The following TENM4 variants were observed in gnomAD, a reference collection of about 807,000 sequenced individuals.
TENM4 encodes teneurin-4.
In TENM4, 82 loss-of-function variants were observed where a neutral mutation model predicts 243.3. The ratio of observed to expected loss-of-function variants is 0.34; its 90% CI spans 0.28 to 0.40. The LOEUF is 0.40. Among genes scored for constraint, TENM4 ranks in the 10% least tolerant of loss-of-function variants. The probability of loss-of-function intolerance (pLI) is 1.00; values close to 1 mark genes in which losing one functional copy is unlikely to be tolerated. For synonymous variants in TENM4, 1,412 were observed against 1,456.3 expected, an observed-to-expected ratio of 0.97 and a Z score of 0.69; for missense variants, 3,138 against 3,673.3, an observed-to-expected ratio of 0.85 and a Z score of 3.77.
chr11:78,720,343 C>G (rs373473989), intron 25 of TENM4, 27 bp downstream of exon 25: 29 of 1,613,542 alleles, frequency 1.8e-5, no homozygotes, highest in Non-Finnish European at 2.5e-5. Flanking sequence ...AGGGGTGAGG[C>G]AGGAAATTCT....
rs566713252 is a variant in TENM4, at chr11:79,352,874, G to T, written c.-320-55331C>A. Among the ~76,000 whole-genome samples, 11 of 152,210 alleles carry T rather than the reference G, an allele frequency of 7.2e-5. No individual in the cohort carries two copies. In the South Asian group the frequency reaches 2.1e-3, roughly 29 times the overall value. On this transcript the variant is annotated intron_variant, in intron 1 of 33. Coordinates refer to ENST00000278550, the MANE Select transcript of TENM4 (RefSeq NM_001098816.3). ...GCACCAGGCCCAAGTTCTTTCTTAAGAAGTAGAAAATAAAAAGGCAGTGTG... is the reference window on the plus strand; with the variant it reads ...GCACCAGGCCCAAGTTCTTTCTTAATAAGTAGAAAATAAAAAGGCAGTGTG...
intron 4 of TENM4, among the ~76,000 whole-genome samples, chr11:79,082,456 G>C (rs1207486400): frequency 6.6e-6 from 1 of 152,212 alleles, no homozygotes; most frequent in African/African-American, 2.4e-5. Context: ...GCCAGAAGCT[G>C]TCAGCTCCAT....
At chr11:78,690,398 T>C (rs1858791722) in intron 28 of TENM4, among the ~76,000 whole-genome samples, 1 of 152,224 alleles carries the variant, frequency 6.6e-6, no homozygotes, top group South Asian at 2.1e-4. Flanking sequence ...ATATTGACAG[T>C]GGTTATCTCT....
chr11:78,851,681 C>G (rs375097371), intron 12 of TENM4, among the ~76,000 whole-genome samples: 2 of 152,126 alleles, frequency 1.3e-5, no homozygotes, highest in African/African-American at 4.8e-5. Context: ...ATGATCATGT[C>G]CCTAAACTGT....
intron 1 of TENM4, among the ~76,000 whole-genome samples, chr11:79,436,441 G>A (rs1181321516): frequency 1.3e-5 from 2 of 152,140 alleles, no homozygotes; most frequent in African/African-American, 4.8e-5. Flanking sequence ...TTTGCCTAAG[G>A]CCACAGAGCC....
At chr11:78,835,892 G>T (rs1858098178) in intron 12 of TENM4, among the ~76,000 whole-genome samples, 1 of 152,246 alleles carries the variant, frequency 6.6e-6, no homozygotes, top group Admixed American at 6.5e-5. Flanking sequence ...CTGTCTGCTT[G>T]TTCACAACAG....
chr11:78,908,979 G>A (rs556581717), intron 6 of TENM4, among the ~76,000 whole-genome samples: 8 of 152,292 alleles, frequency 5.3e-5, no homozygotes, highest in South Asian at 2.1e-4. Context: ...AGCAGAGCTC[G>A]GGGATCTCAC....
At chr11:79,394,190 G>A (rs996281998) in intron 1 of TENM4, among the ~76,000 whole-genome samples, 5 of 152,116 alleles carry the variant, frequency 3.3e-5, no homozygotes, top group African/African-American at 1.2e-4. Flanking sequence ...ACCCTTGAAG[G>A]TTCTCTCCAG....
At chr11:79,302,533 C>T (rs116052177) in intron 1 of TENM4, among the ~76,000 whole-genome samples, 3,724 of 152,296 alleles carry the variant, frequency 0.024, 130 homozygotes, top group African/African-American at 0.084. Flanking sequence ...TCTCTCCCAA[C>T]ATTTTAAAAC....
chr11:78,683,960 C>G lies in TENM4; in HGVS notation c.5260+4094G>C, dbSNP rs148153163. Among the ~76,000 whole-genome samples the G allele has an allele frequency of 4.2e-3, 636 of 152,288 alleles. 7 individuals carry two copies. Among genetic ancestry groups the G allele is most frequent in the African/African-American group, 0.014 (601 of 41,554 alleles). On this transcript the variant is annotated intron_variant, in intron 29 of 33. Transcript: ENST00000278550. Reference sequence around the variant, plus strand: ...TTGGCTGTTTCCTCTGCACTGCCCCCGTCTTCAGTAAGTGCTGGCTTAAGA... The same window carrying G: ...TTGGCTGTTTCCTCTGCACTGCCCCGGTCTTCAGTAAGTGCTGGCTTAAGA...
At chr11:79,394,260 C>T (rs1354398517) in intron 1 of TENM4, among the ~76,000 whole-genome samples, 1 of 152,196 alleles carries the variant, frequency 6.6e-6, no homozygotes, top group Non-Finnish European at 1.5e-5. Flanking sequence ...GCACCTGGTT[C>T]TCCTCAAGCA....
At position 79,048,426 on chromosome 11, in the gene TENM4, C is replaced by T. The variant is rs184691533; in HGVS notation, c.493+16312G>A. ...GAAGATACCCCGGCAGAAGATTGCC[C>T]ATTCCCTGACAGTAGGCAGTCTAGA... On this transcript the variant is annotated intron_variant, in intron 6 of 33. Transcript: ENST00000278550. 1.6e-3 allele frequency among the ~76,000 whole-genome samples: 240 copies of T among 152,214 alleles called. 1 individual carries two copies. The highest frequency in any genetic ancestry group is 5.4e-3 in the African/African-American group (224 of 41,522).
intron 6 of TENM4, among the ~76,000 whole-genome samples, chr11:79,038,488 G>A (rs1453351762): frequency 6.6e-6 from 1 of 152,052 alleles, no homozygotes; most frequent in East Asian, 1.9e-4. Flanking sequence ...GCCTTCCTTG[G>A]CCACATCTTG....
intron 4 of TENM4, among the ~76,000 whole-genome samples, chr11:79,139,784 A>ATT (rs1389820879): frequency 9.4e-5 from 5 of 53,362 alleles, no homozygotes; most frequent in Admixed American, 5.6e-4. Flanking sequence ...TATAATATAT[A>ATT]TTATATTTAT....
At chr11:79,340,979 G>A (rs112539666) in intron 1 of TENM4, among the ~76,000 whole-genome samples, 1 of 152,136 alleles carries the variant, frequency 6.6e-6, no homozygotes, top group African/African-American at 2.4e-5. Flanking sequence ...TAATTACAAG[G>A]GTTCTTATAA....
rs540782074 is a variant in TENM4, at chr11:79,361,632, A to G, written c.-320-64089T>C. Among the ~76,000 whole-genome samples the G allele has an allele frequency of 7.9e-4, 120 of 152,270 alleles. 3 individuals carry two copies. The South Asian group carries it at 0.024, about 31-fold the overall frequency. ...GTCACCCCTTTTGAGAGTGCTGTCT[A>G]TTTCCTGCAGAGACCCTGAATGGCA... is the stretch of plus-strand genomic sequence containing the variant. On this transcript the variant is annotated intron_variant, in intron 1 of 33. Coordinates refer to ENST00000278550, the MANE Select transcript of TENM4 (RefSeq NM_001098816.3).
chr11:78,906,318 C>A (rs554596160), intron 6 of TENM4, among the ~76,000 whole-genome samples: 2 of 152,284 alleles, frequency 1.3e-5, no homozygotes, highest in South Asian at 2.1e-4. Context: ...TTCAGTCTAC[C>A]AAACCATGGT....
At chr11:78,999,990 G>A (rs540888648) in intron 6 of TENM4, among the ~76,000 whole-genome samples, 142 of 152,290 alleles carry the variant, frequency 9.3e-4, no homozygotes, top group African/African-American at 3.2e-3. Flanking sequence ...GAAAGCCAAA[G>A]ACACAGAGAA....
At chr11:79,129,975 G>T (rs1861967951) in intron 4 of TENM4, among the ~76,000 whole-genome samples, 1 of 152,098 alleles carries the variant, frequency 6.6e-6, no homozygotes, top group Non-Finnish European at 1.5e-5. Context: ...AACCCTCACA[G>T]AGTCCATTGC....
Sources: allele counts gnomAD v4.1 joint callset (sites outside exome capture counted in the v4.1 genomes callset), GRCh38; gene constraint gnomAD v4.1.1; transcripts MANE v1.5; gene names NCBI Gene and HGNC (gene_info 2026-07-23, HGNC 2026-07-21).